The following PIK3R3 variants were observed in gnomAD, a reference collection of about 807,000 sequenced individuals.
PIK3R3 encodes phosphatidylinositol 3-kinase regulatory subunit gamma.
PIK3R3 carries 64 observed loss-of-function variants against 62.9 expected under a neutral mutation model. The ratio of observed to expected loss-of-function variants is 1.02; its 90% confidence interval spans 0.83 to 1.25. The LOEUF (loss-of-function observed/expected upper bound fraction) is 1.25. Ranked by LOEUF, PIK3R3 falls within the 50% of genes most tolerant of loss-of-function variation. The pLI is 0.00. For synonymous variants in PIK3R3, 165 were observed against 189.0 expected, an observed-to-expected ratio of 0.87 and a Z score of 1.04; for missense variants, 614 against 561.6, an observed-to-expected ratio of 1.09 and a Z score of -0.94.
In PIK3R3 at chr1:46,132,050, C is replaced by T; in HGVS notation, c.-98G>A. ...AAAATATATATCTGCAAAAGTTCCA[C>T]ACGGAAATGTACTTCGGGTTTTCCA... On this transcript the variant is annotated 5_prime_UTR_variant, in exon 1 of 10. It adds an upstream start codon to the 5' untranslated region. Transcript: ENST00000262741. The T allele has an allele frequency of 6.6e-7, 1 of 1,507,714 alleles. No homozygotes were observed. The highest frequency in any genetic ancestry group is 8.9e-7 in the Non-Finnish European group (1 of 1,129,542). 93.4% of individuals were successfully genotyped at this position (1,507,714 alleles called of 1,614,324 possible).
intron 3 of PIK3R3, among the ~76,000 whole-genome samples, chr1:46,070,524 C>T (rs1043834625): frequency 2.9e-4 from 44 of 152,160 alleles, no homozygotes; most frequent in African/African-American, 8.7e-4. Context: ...ACGAAACTGA[C>T]GAGGAAGCAG....
At chr1:46,094,823 T>C (rs999007287) in intron 1 of PIK3R3, among the ~76,000 whole-genome samples, 5 of 152,142 alleles carry the variant, frequency 3.3e-5, no homozygotes, top group African/African-American at 9.7e-5. Context: ...TGAATGAAAA[T>C]GGTACAACAG....
the PIK3R3 span, among the ~76,000 whole-genome samples, chr1:46,149,934 A>G: frequency 3.9e-5 from 6 of 152,336 alleles, no homozygotes; most frequent in African/African-American, 1.4e-4. Context: ...AATAACCAAA[A>G]GTATACTCAG....
chr1:46,161,628 G>C, the PIK3R3 span, among the ~76,000 whole-genome samples: 81 of 152,232 alleles, frequency 5.3e-4, no homozygotes, highest in Admixed American at 1.8e-3. Flanking sequence ...CCAGCTACTT[G>C]GGAGGCTGAG....
Position 46,041,394 on chromosome 1 carries a change from G to T in PIK3R3, c.*2279C>A, listed in dbSNP as rs1646994076. The T allele has an allele frequency of 5.8e-6, 1 of 172,472 alleles. No homozygotes were observed. Among genetic ancestry groups the T allele is most frequent in the Non-Finnish European group, 1.3e-5 (1 of 79,458 alleles). 10.7% of individuals were successfully genotyped at this position (172,472 alleles called of 1,614,324 possible). ...TGAAAAAAAAAATGAAGGAATGTAG[G>T]ACTGAAAAAAAGCAGCCCTTCTCCA... On this transcript the variant is annotated 3_prime_UTR_variant, in exon 10 of 10. Coordinates refer to ENST00000262741, the MANE Select transcript of PIK3R3 (RefSeq NM_003629.4).
Position 46,040,518 on chromosome 1 carries a change from G to A in PIK3R3, c.*3155C>T, listed in dbSNP as rs570733841. The A allele has an allele frequency of 3.5e-5, 8 of 228,900 alleles. No homozygotes were observed. The highest frequency in any genetic ancestry group is 1.5e-4 in the African/African-American group (7 of 45,212). 14.2% of individuals were successfully genotyped at this position (228,900 alleles called of 1,614,324 possible). ...AGGTTGTTTGCCACAAGTGGCTGGAGCTAAAGCAGGTTTGAGCAGTTGGCA... is the reference window on the plus strand; with the variant it reads ...AGGTTGTTTGCCACAAGTGGCTGGAACTAAAGCAGGTTTGAGCAGTTGGCA... On this transcript the variant is annotated 3_prime_UTR_variant, in exon 10 of 10. Transcript: ENST00000262741.
intron 9 of PIK3R3, 132 bp downstream of exon 9, chr1:46,045,785 TA>T: frequency 1.3e-6 from 1 of 755,462 alleles, no homozygotes; most frequent in Non-Finnish European, 2.2e-6. Flanking sequence ...TTTTTTGTAC[TA>T]ATAGTTATGG....
chr1:46,157,466 T>C, the PIK3R3 span, among the ~76,000 whole-genome samples: 1 of 152,176 alleles, frequency 6.6e-6, no homozygotes, highest in African/African-American at 2.4e-5. Context: ...AAGGAACTAG[T>C]GGCTCAGCAG....
In PIK3R3 at chr1:46,045,644, T is replaced by TTTTTTTTTTTTTTTTTTTTTTTTTTTC. The variant is rs370501368; in HGVS notation, c.1187+273_1187+274insGAAAAAAAAAAAAAAAAAAAAAAAAAA. 1.6e-4 allele frequency among the ~76,000 whole-genome samples: 13 copies of TTTTTTTTTTTTTTTTTTTTTTTTTTTC among 82,594 alleles called. 4 individuals carry two copies. The highest frequency in any genetic ancestry group is 3.1e-4 in the Admixed American group (2 of 6,456). 54.2% of individuals were successfully genotyped at this position (82,594 alleles called of 152,430 possible). A position where few individuals can be genotyped will look rare whatever the true frequency, so the allele number is the denominator to read the frequency against. On this transcript the variant is annotated intron_variant, in intron 9 of 9. Transcript: ENST00000262741. ...TTTTTTTTTTTTTTTTTTTTTTTTT[T>TTTTTTTTTTTTTTTTTTTTTTTTTTTC]CAATTTAAGATCTCACATTACCTTT...
At chr1:46,162,099 A>G in the PIK3R3 span, among the ~76,000 whole-genome samples, 4 of 150,228 alleles carry the variant, frequency 2.7e-5, no homozygotes, top group African/African-American at 9.8e-5. Flanking sequence ...CTCAAAAAAA[A>G]AAAAAAAAAG....
the PIK3R3 span, among the ~76,000 whole-genome samples, chr1:46,162,040 C>T: frequency 0.023 from 3,456 of 149,190 alleles, 125 homozygotes; most frequent in African/African-American, 0.078. Flanking sequence ...TGCAGTGAGC[C>T]GAGATCGCGC....
rs189594093 is a variant in PIK3R3 at position 46,044,969 on chromosome 1, G to A, written c.1187+949C>T. Among the ~76,000 whole-genome samples, 135 of 152,324 alleles carry A rather than the reference G, an allele frequency of 8.9e-4. No individual in the cohort carries two copies. Among genetic ancestry groups the A allele is most frequent in the Admixed American group, 1.4e-3 (21 of 15,304 alleles). On this transcript the variant is annotated intron_variant, in intron 9 of 9. Transcript: ENST00000262741. This position sits in a 1 kb window ranked among gnomAD's most constrained non-coding sequence, Gnocchi z 4.2. The stretch of plus-strand genomic sequence containing the variant: ...CAGTCTGTTAATATGAATGCCTTTC[G>A]CCTACCTTCTCCACCTTGCCCTCTA...
chr1:46,174,386 C>A, the PIK3R3 span, among the ~76,000 whole-genome samples: 2 of 151,934 alleles, frequency 1.3e-5, no homozygotes, highest in Admixed American at 6.6e-5. Context: ...TCTGCCTCAA[C>A]CCCCCTCAGG....
rs958481774 is a variant in PIK3R3 at position 46,074,658 on chromosome 1, A to G, written c.314+2857T>C. ...CAATGCAGAGTCAATCCCCTCAGAC[A>G]AAGGTGGAAAGGCCAGTGTAGGGGG... On this transcript the variant is annotated intron_variant, in intron 3 of 9. Transcript: ENST00000262741. Among the ~76,000 whole-genome samples, 9 of 150,160 alleles carry G rather than the reference A, an allele frequency of 6.0e-5. No homozygotes were observed. In the East Asian group the frequency reaches 1.8e-3, roughly 29 times the overall value.
chr1:46,126,274 A>G (rs1225384151), intron 1 of PIK3R3, among the ~76,000 whole-genome samples: 2 of 151,596 alleles, frequency 1.3e-5, no homozygotes, highest in Non-Finnish European at 2.9e-5. Context: ...ATGGTGGCTC[A>G]CACCTATAAT....
intron 1 of PIK3R3, among the ~76,000 whole-genome samples, chr1:46,107,169 A>C (rs570366762): frequency 2.2e-4 from 33 of 152,230 alleles, no homozygotes; most frequent in Non-Finnish European, 4.3e-4. Context: ...CGGCCTGGCC[A>C]ACATGGTGAA....
At chr1:46,069,872 G>A (rs886619040) in intron 3 of PIK3R3, among the ~76,000 whole-genome samples, 7 of 152,108 alleles carry the variant, frequency 4.6e-5, no homozygotes, top group Non-Finnish European at 1.0e-4. Context: ...AAACCAATAC[G>A]TACAAAAGCA....
rs76279462 is a variant in PIK3R3 at position 46,073,394 on chromosome 1, C to T, written c.314+4121G>A. 5.6e-4 allele frequency among the ~76,000 whole-genome samples: 86 copies of T among 152,276 alleles called. No individual in the cohort carries two copies. In the East Asian group the frequency reaches 0.013, roughly 23 times the overall value. ...TGGCATTTAGGGATGATGGGGTTCT[C>T]CTCACAAATCTGTTTCTCAAAGTAC... On this transcript the variant is annotated intron_variant, in intron 3 of 9. Transcript: ENST00000262741.
chr1:46,161,920 G>A, the PIK3R3 span, among the ~76,000 whole-genome samples: 280 of 151,404 alleles, frequency 1.8e-3, no homozygotes, highest in Non-Finnish European at 2.9e-3. Flanking sequence ...GTGAAACCCT[G>A]TCTCTACTAA....
Sources: gnomAD v4.1 joint callset for allele counts (sites outside exome capture counted in the v4.1 genomes callset) on GRCh38, gnomAD v4.1.1 for gene constraint, Gnocchi (gnomAD v3.1) non-coding constraint, MANE v1.5 for transcripts, NCBI Gene and HGNC (gene_info 2026-07-23, HGNC 2026-07-21) for gene names.